Variants in ZDHHC3 observed in about 807,000 individuals in gnomAD.
The protein encoded by ZDHHC3 is zDHHC palmitoyltransferase 3.
In ZDHHC3, 9 loss-of-function variants were observed where a neutral mutation model predicts 30.6. The observed-to-expected ratio is 0.29, with a 90% CI of 0.18 to 0.51. ZDHHC3 has a LOEUF of 0.51. ZDHHC3 is among the 20% of genes least tolerant of loss of function. ZDHHC3 has a pLI of 0.97. For missense variants in ZDHHC3, 246 were observed against 384.2 expected (o/e 0.64, Z 3.01); for synonymous variants, 136 against 140.2 (o/e 0.97, Z 0.21).
intron 2 of ZDHHC3, among the ~76,000 whole-genome samples, chr3:44,949,994 T>C (rs565415069): frequency 2.0e-5 from 3 of 152,238 alleles, no homozygotes; most frequent in Non-Finnish European, 2.9e-5. Flanking sequence ...AGCCACCATG[T>C]CCAGCTAATT....
chr3:44,934,008 C>T, intron 3 of ZDHHC3, 24 bp from the exon 4 acceptor site: 11 of 1,612,378 alleles, frequency 6.8e-6, no homozygotes, highest in Admixed American at 1.7e-5. Context: ...CAGGTCAGAC[C>T]TTTAGGGCAT....
At chr3:44,943,324 T>A (rs192506604) in intron 3 of ZDHHC3, among the ~76,000 whole-genome samples, 70 of 152,284 alleles carry the variant, frequency 4.6e-4, no homozygotes, top group African/African-American at 1.4e-3. Flanking sequence ...CTCAACCCCT[T>A]TGAACCTTAA....
At chr3:44,934,720 C>T (rs1334945078) in intron 3 of ZDHHC3, among the ~76,000 whole-genome samples, 1 of 151,746 alleles carries the variant, frequency 6.6e-6, no homozygotes, top group Non-Finnish European at 1.5e-5. Flanking sequence ...GGCGAAACCC[C>T]ATCTCTACTA....
chr3:44,943,266 G>A lies in ZDHHC3; in HGVS notation c.431+1902C>T, dbSNP rs929173160. The stretch of plus-strand genomic sequence containing the variant: ...GTCTGGACCTGGAGCCAGAACTGCC[G>A]GGACCCAAACCTGTCTCTAGTACTC... On this transcript the variant is annotated intron_variant, in intron 3 of 6. Coordinates refer to ENST00000424952, the MANE Select transcript of ZDHHC3 (RefSeq NM_001135179.2). Among the ~76,000 whole-genome samples, 12 of 152,288 alleles carry A rather than the reference G, an allele frequency of 7.9e-5. No individual in the cohort carries two copies. In the South Asian group the frequency reaches 1.7e-3, roughly 21 times the overall value.
At chr3:44,929,994 T>C (rs904323891) in intron 5 of ZDHHC3, among the ~76,000 whole-genome samples, 15 of 152,346 alleles carry the variant, frequency 9.8e-5, no homozygotes, top group East Asian at 5.8e-4. Flanking sequence ...GTCTCAGCCT[T>C]GACCACAGTG....
intron 5 of ZDHHC3, among the ~76,000 whole-genome samples, chr3:44,929,974 G>C (rs1701349044): frequency 6.6e-6 from 1 of 152,218 alleles, no homozygotes; most frequent in Non-Finnish European, 1.5e-5. Flanking sequence ...AGGGGCAGCT[G>C]AACTACTGGG....
At position 44,950,300 on chromosome 3, in the gene ZDHHC3, A is replaced by G. The variant is rs140786334; in HGVS notation, c.307-5008T>C. Among the ~76,000 whole-genome samples the G allele has an allele frequency of 1.3e-3, 193 of 152,322 alleles. 2 individuals carry two copies. In the East Asian group the frequency reaches 0.035, roughly 27 times the overall value. On this transcript the variant is annotated intron_variant, in intron 2 of 6. Transcript: ENST00000424952. ...GAAGCAACGAGGCTTGAGTTTTCCTAAATTATGGCCCAGGTGGTTTTTTTG... is the reference window on the plus strand; with the variant it reads ...GAAGCAACGAGGCTTGAGTTTTCCTGAATTATGGCCCAGGTGGTTTTTTTG...
At chr3:44,930,900 A>T (rs1027097970) in intron 5 of ZDHHC3, among the ~76,000 whole-genome samples, 1 of 152,130 alleles carries the variant, frequency 6.6e-6, no homozygotes, top group African/African-American at 2.4e-5. Flanking sequence ...CATCTGGCAG[A>T]CACCACGAGG....
intron 2 of ZDHHC3, among the ~76,000 whole-genome samples, chr3:44,946,012 T>C (rs1287078521): frequency 6.6e-6 from 1 of 152,254 alleles, no homozygotes; most frequent in Admixed American, 6.5e-5. Context: ...TTAAATTTCC[T>C]GATAACAGCT....
In ZDHHC3 at chr3:44,920,637, G is replaced by A. The variant is rs1700528189; in HGVS notation, c.*6052C>T. The A allele has an allele frequency of 2.1e-5, 21 of 985,280 alleles. No individual in the cohort carries two copies. The highest frequency in any genetic ancestry group is 2.5e-5 in the Non-Finnish European group (21 of 829,938). The allele number at this position is 985,280 out of a possible 1,614,324, so 61.0% of individuals were successfully genotyped here. On this transcript the variant is annotated 3_prime_UTR_variant, in exon 7 of 7. Coordinates refer to ENST00000424952, the MANE Select transcript of ZDHHC3 (RefSeq NM_001135179.2). ...CTAGTGTCTTTTTTTCTGCCCAACA[G>A]GTTTCCAGTTCTACTGCAAATCACC... is the stretch of plus-strand genomic sequence containing the variant.
At chr3:44,957,379 A>G (rs538524446) in intron 2 of ZDHHC3, among the ~76,000 whole-genome samples, 4 of 152,330 alleles carry the variant, frequency 2.6e-5, no homozygotes, top group Non-Finnish European at 5.9e-5. Context: ...CTCAGGAAAC[A>G]TGGCTATTCA....
chr3:44,972,668 A>G (rs1240097168), intron 1 of ZDHHC3, among the ~76,000 whole-genome samples: 1 of 152,206 alleles, frequency 6.6e-6, no homozygotes, highest in Non-Finnish European at 1.5e-5. Flanking sequence ...GCACCTTATT[A>G]TAGGCTGGCC....
At chr3:44,946,710 G>A (rs534092871) in intron 2 of ZDHHC3, among the ~76,000 whole-genome samples, 1 of 152,280 alleles carries the variant, frequency 6.6e-6, no homozygotes, top group South Asian at 2.1e-4. Context: ...TCCAGCAGAG[G>A]AGGGCATGAG....
intron 1 of ZDHHC3, among the ~76,000 whole-genome samples, chr3:44,965,213 T>C (rs1165197663): frequency 3.3e-5 from 5 of 152,178 alleles, no homozygotes; most frequent in Non-Finnish European, 7.3e-5. Flanking sequence ...AAAAACTGCC[T>C]GTGGTCCAGA....
chr3:44,938,162 T>A lies in ZDHHC3; in HGVS notation c.432-4178A>T, dbSNP rs192911112. The A allele has an allele frequency of 6.3e-4, 129 of 203,822 alleles. 1 individual carries two copies. The highest frequency in any genetic ancestry group is 2.2e-3 in the African/African-American group (93 of 43,034). The allele number at this position is 203,822 out of a possible 1,614,324, so 12.6% of individuals were successfully genotyped here. ...CCAAGCCAGGCTAATTTTTGTATTT[T>A]TAGTGGAGACGGGGTTTCACCATGT... is the stretch of plus-strand genomic sequence containing the variant. On this transcript the variant is annotated intron_variant, in intron 3 of 6. Coordinates refer to ENST00000424952, the MANE Select transcript of ZDHHC3 (RefSeq NM_001135179.2).
rs148680066 is a variant in ZDHHC3, at chr3:44,929,768, C to T, written c.611-332G>A. 4.4e-4 allele frequency among the ~76,000 whole-genome samples: 67 copies of T among 152,286 alleles called. 1 individual carries two copies. The highest frequency in any genetic ancestry group is 1.2e-3 in the African/African-American group (51 of 41,558). ...GAAGGCCTCTGAAGTGAGGCATGAACGCCTGACGACACCACAGGGGACCCT... is the reference window on the plus strand; with the variant it reads ...GAAGGCCTCTGAAGTGAGGCATGAATGCCTGACGACACCACAGGGGACCCT... On this transcript the variant is annotated intron_variant, in intron 5 of 6. Coordinates refer to ENST00000424952, the MANE Select transcript of ZDHHC3 (RefSeq NM_001135179.2).
In ZDHHC3 at chr3:44,971,915, C is replaced by T. The variant is rs182827962; in HGVS notation, c.-25+4018G>A. On this transcript the variant is annotated intron_variant, in intron 1 of 6. Transcript: ENST00000424952. ...TATTACTTATTTTATTATTTTTTAG[C>T]GATGGGGTCTATGTTGCCCAGGCTG... 1.5e-3 allele frequency among the ~76,000 whole-genome samples: 227 copies of T among 152,068 alleles called. 2 individuals are homozygous for T. The highest frequency in any genetic ancestry group is 4.5e-3 in the African/African-American group (186 of 41,456).
In ZDHHC3 at chr3:44,918,042, G is replaced by T. The variant is rs1361097944; in HGVS notation, c.*8647C>A. ...GCTGACACGGTCTGGAGAAGGGGTT[G>T]AACCAGTTCAGGGAGAAGTCCCCAC... On this transcript the variant is annotated 3_prime_UTR_variant, in exon 7 of 7. Coordinates refer to ENST00000424952, the MANE Select transcript of ZDHHC3 (RefSeq NM_001135179.2). 7.7e-7 allele frequency: 1 copy of T among 1,305,448 alleles called. No homozygotes were observed. Among genetic ancestry groups the T allele is most frequent in the Non-Finnish European group, 1.0e-6 (1 of 988,960 alleles). The allele number at this position is 1,305,448 out of a possible 1,614,324, so 80.9% of individuals were successfully genotyped here.
chr3:44,920,115 G>A lies in ZDHHC3; in HGVS notation c.*6574C>T. Reference sequence around the variant, plus strand: ...CACACAATCCAAGTTTTACCAATGAGCCAATGTTACTTTTATAATCAGAAC... The same window carrying A: ...CACACAATCCAAGTTTTACCAATGAACCAATGTTACTTTTATAATCAGAAC... On this transcript the variant is annotated 3_prime_UTR_variant, in exon 7 of 7. Coordinates refer to ENST00000424952, the MANE Select transcript of ZDHHC3 (RefSeq NM_001135179.2). 8.2e-7 allele frequency: 1 copy of A among 1,226,032 alleles called. No individual in the cohort carries two copies. The highest frequency in any genetic ancestry group is 1.4e-5 in the South Asian group (1 of 72,446). The allele number at this position is 1,226,032 out of a possible 1,614,324, so 75.9% of individuals were successfully genotyped here.
Sources: gnomAD v4.1 joint callset for allele counts (sites outside exome capture counted in the v4.1 genomes callset) on GRCh38, gnomAD v4.1.1 for gene constraint, MANE v1.5 for transcripts, NCBI Gene and HGNC (gene_info 2026-07-23, HGNC 2026-07-21) for gene names.